Variants in NTF3 observed in about 807,000 individuals in gnomAD.
NTF3 encodes neurotrophin-3.
In NTF3, 8 loss-of-function variants were observed where a neutral mutation model predicts 26.3. The ratio of observed to expected loss-of-function variants is 0.30; its 90% CI spans 0.18 to 0.55. The LOEUF is 0.55. Among genes scored for constraint, NTF3 ranks in the 20% least tolerant of loss-of-function variants. The probability of loss-of-function intolerance (pLI) is 0.93; values close to 1 mark genes in which losing one functional copy is unlikely to be tolerated. For missense variants in NTF3, 276 were observed against 352.9 expected (o/e 0.78, Z 1.75); for synonymous variants, 154 against 145.5 (o/e 1.06, Z -0.42).
At chr12:5,455,058 C>A (rs1475086639) in intron 1 of NTF3, among the ~76,000 whole-genome samples, 1 of 152,186 alleles carries the variant, frequency 6.6e-6, no homozygotes, top group Non-Finnish European at 1.5e-5. Context: ...TCAGCAGGAG[C>A]CTAACGTGTG....
chr12:5,483,540 G>T (rs190369650), intron 1 of NTF3, among the ~76,000 whole-genome samples: 71 of 152,284 alleles, frequency 4.7e-4, no homozygotes, highest in Non-Finnish European at 8.4e-4. Flanking sequence ...GTCTATTATT[G>T]TTGGGCATTT....
chr12:5,438,656 A>G (rs1328434686), intron 1 of NTF3, among the ~76,000 whole-genome samples: 5 of 152,192 alleles, frequency 3.3e-5, no homozygotes, highest in South Asian at 2.1e-4. Context: ...AGTAGCTAAC[A>G]AGAGCCCAGG....
intron 1 of NTF3, among the ~76,000 whole-genome samples, chr12:5,455,557 CACACACACACACACACACACACACACAT>C (rs1940433987): frequency 7.1e-6 from 1 of 141,788 alleles, no homozygotes; most frequent in Non-Finnish European, 1.5e-5. Flanking sequence ...CACACACACA[CACACACACACACACACACACACACACAT>C]AGCCCCTGTG....
At chr12:5,455,880 G>A (rs898125854) in intron 1 of NTF3, among the ~76,000 whole-genome samples, 4 of 152,178 alleles carry the variant, frequency 2.6e-5, no homozygotes, top group Admixed American at 6.5e-5. Context: ...TCAGGAGTGA[G>A]GGTCAGTGGT....
chr12:5,445,592 C>T (rs1235243196), intron 1 of NTF3, among the ~76,000 whole-genome samples: 1 of 152,170 alleles, frequency 6.6e-6, no homozygotes, highest in East Asian at 1.9e-4. Flanking sequence ...CTATTCCAAT[C>T]TCACTTTGCA....
intron 1 of NTF3, among the ~76,000 whole-genome samples, chr12:5,450,437 T>C (rs1002938370): frequency 6.6e-6 from 1 of 152,228 alleles, no homozygotes; most frequent in Non-Finnish European, 1.5e-5. Context: ...TTTTGCTCCT[T>C]GTTTTAGCCA....
chr12:5,480,847 A>G (rs1389166372), intron 1 of NTF3, among the ~76,000 whole-genome samples: 1 of 152,082 alleles, frequency 6.6e-6, no homozygotes, highest in Non-Finnish European at 1.5e-5. Flanking sequence ...CAGAAACTCA[A>G]GGAGGTTTCT....
In NTF3 at chr12:5,494,198, T is replaced by C; in HGVS notation, c.23T>C (p.Leu8Ser). MVTFATILQVNKVMSILF... is the reference protein window; with the variant it reads MVTFATISQVNKVMSILF... ...ACACCTGTGTTTCCTTTTCAGATCT[T>C]ACAGGTGAACAAGGTGATGTCCATC... Residue 8 changes from leucine to serine, a missense_variant, in exon 2 of 2, where the codon TTA becomes TCA. Leu to Ser is a moderately radical substitution (Grantham distance 145). Transcript: ENST00000423158. This position sits in a 1 kb window ranked among gnomAD's most constrained non-coding sequence, Gnocchi z 8.3. 1 of 1,612,630 alleles carries C rather than the reference T, an allele frequency of 6.2e-7. No individual in the cohort carries two copies. Among genetic ancestry groups the C allele is most frequent in the Non-Finnish European group, 8.5e-7 (1 of 1,179,750 alleles).
chr12:5,449,016 A>T (rs1940339292), intron 1 of NTF3, among the ~76,000 whole-genome samples: 1 of 152,262 alleles, frequency 6.6e-6, no homozygotes, highest in Non-Finnish European at 1.5e-5. Context: ...AACTTATAGT[A>T]CATGTAGGGA....
At position 5,495,006 on chromosome 12, in the gene NTF3, T is replaced by C. The variant is rs1301478218; in HGVS notation, c.*18T>C. 1.9e-6 allele frequency: 3 copies of C among 1,592,854 alleles called. No homozygotes were observed. The highest frequency in any genetic ancestry group is 2.6e-6 in the Non-Finnish European group (3 of 1,168,520). ...GAACATGAATTGGCATCTCTCCCCA[T>C]ATATAAATTATTACTTTAAATTATA... On this transcript the variant is annotated 3_prime_UTR_variant, in exon 2 of 2. Transcript: ENST00000423158.
intron 1 of NTF3, among the ~76,000 whole-genome samples, chr12:5,445,809 C>T (rs906818743): frequency 2.6e-5 from 4 of 152,202 alleles, no homozygotes; most frequent in Admixed American, 2.6e-4. Flanking sequence ...CCCATCCTCA[C>T]CTCAGTTTGC....
intron 1 of NTF3, among the ~76,000 whole-genome samples, chr12:5,454,523 C>T (rs977341251): frequency 2.0e-4 from 30 of 152,342 alleles, no homozygotes; most frequent in Non-Finnish European, 1.3e-4. Context: ...CCTGTAACTC[C>T]TCCAAACACC....
chr12:5,467,198 C>T (rs192523168), intron 1 of NTF3, among the ~76,000 whole-genome samples: 257 of 132,176 alleles, frequency 1.9e-3, no homozygotes, highest in Admixed American at 7.7e-3. Flanking sequence ...CACTGCACTC[C>T]AACCTGTGCA....
Position 5,456,563 on chromosome 12 carries a change from ATTCTGTTTGCAGCCCTGATCGTGAGCTCT to A in NTF3, c.18+24222_18+24250del, listed in dbSNP as rs1940452308. On this transcript the variant is annotated intron_variant, in intron 1 of 1. Coordinates refer to ENST00000423158, the MANE Select transcript of NTF3 (RefSeq NM_001102654.2). This position sits in a 1 kb window ranked among gnomAD's most constrained non-coding sequence, Gnocchi z 4.4. ...GGGACAGAGGAGAGAAAGGGTCTGC[ATTCTGTTTGCAGCCCTGATCGTGAGCTCT>A]GGGGGTCCTCTTCCACCCCCACCCC... is the stretch of plus-strand genomic sequence containing the variant. Among the ~76,000 whole-genome samples, 1 of 152,038 alleles carries A rather than the reference ATTCTGTTTGCAGCCCTGATCGTGAGCTCT, an allele frequency of 6.6e-6. No individual in the cohort carries two copies. The highest frequency in any genetic ancestry group is 2.4e-5 in the African/African-American group (1 of 41,382).
At chr12:5,443,210 C>A (rs1321886347) in intron 1 of NTF3, among the ~76,000 whole-genome samples, 1 of 152,146 alleles carries the variant, frequency 6.6e-6, no homozygotes, top group African/African-American at 2.4e-5. Flanking sequence ...TGACCCAGGG[C>A]CTTGGGTTCC....
chr12:5,466,764 G>A (rs1037363250), intron 1 of NTF3, among the ~76,000 whole-genome samples: 1 of 152,226 alleles, frequency 6.6e-6, no homozygotes, highest in Non-Finnish European at 1.5e-5. Context: ...GAACAGGCAA[G>A]AAATGCTGTA....
At chr12:5,469,949 T>C (rs559228608) in intron 1 of NTF3, among the ~76,000 whole-genome samples, 1 of 152,196 alleles carries the variant, frequency 6.6e-6, no homozygotes, top group Admixed American at 6.5e-5. Context: ...TTTTGAGATG[T>C]AGTCTTGCTC....
At chr12:5,481,805 TAC>T (rs1271281643) in intron 1 of NTF3, among the ~76,000 whole-genome samples, 1 of 137,916 alleles carries the variant, frequency 7.3e-6, no homozygotes, top group Non-Finnish European at 1.6e-5. Flanking sequence ...ACCACACTCA[TAC>T]AGAGACACAT....
At chr12:5,487,129 T>C (rs1290821117) in intron 1 of NTF3, among the ~76,000 whole-genome samples, 1 of 152,218 alleles carries the variant, frequency 6.6e-6, no homozygotes, top group Non-Finnish European at 1.5e-5. Flanking sequence ...CTGAGTTTCC[T>C]GGGGCTTGTG....
Sources: gnomAD v4.1 joint callset for allele counts (sites outside exome capture counted in the v4.1 genomes callset) on GRCh38, gnomAD v4.1.1 for gene constraint, Gnocchi (gnomAD v3.1) non-coding constraint, MANE v1.5 for transcripts, NCBI Gene and HGNC (gene_info 2026-07-23, HGNC 2026-07-21) for gene names.